The following TBCD variants were observed in gnomAD, a reference collection of about 807,000 sequenced individuals.
The protein encoded by TBCD is tubulin-specific chaperone D.
A neutral mutation model predicts 169.3 loss-of-function variants in TBCD; 105 were observed. The ratio of observed to expected loss-of-function variants is 0.62; its 90% confidence interval spans 0.53 to 0.73. The LOEUF is 0.73. TBCD is among the 30% of genes least tolerant of loss of function. TBCD has a pLI of 0.00. For missense variants in TBCD, 1,444 were observed against 1,600.1 expected (o/e 0.90, Z 1.66); for synonymous variants, 700 against 643.9 (o/e 1.09, Z -1.32).
At chr17:82,927,127 G>A (rs568117145) in intron 28 of TBCD, 59 bp from the exon 29 acceptor site, 203 of 1,606,500 alleles carry the variant, frequency 1.3e-4, no homozygotes, top group Admixed American at 3.5e-4. Flanking sequence ...AGCCCTCTGC[G>A]ATGTGGAAGA....
In TBCD at chr17:82,804,932, G is replaced by A. The variant is rs78762282; in HGVS notation, c.951-943G>A. Among the ~76,000 whole-genome samples the A allele has an allele frequency of 2.7e-3, 416 of 152,352 alleles. 13 individuals are homozygous for A. In the East Asian group the frequency reaches 0.072, roughly 27 times the overall value. Reference sequence around the variant, plus strand: ...AAGCAGGTTGATGGCATCAGCACCAGTGTGTGAGTTCTGGTTCTGCCGCCA... The same window carrying A: ...AAGCAGGTTGATGGCATCAGCACCAATGTGTGAGTTCTGGTTCTGCCGCCA... On this transcript the variant is annotated intron_variant, in intron 9 of 38. Transcript: ENST00000355528.
chr17:82,916,436 GGTTCCACCAT>G (rs1255756131), intron 23 of TBCD, among the ~76,000 whole-genome samples: 4 of 152,142 alleles, frequency 2.6e-5, no homozygotes, highest in Admixed American at 2.6e-4. Context: ...GTGGAGATGG[GGTTCCACCAT>G]GTGGGCCAGG....
intron 17 of TBCD, among the ~76,000 whole-genome samples, chr17:82,900,381 C>T (rs774306044): frequency 1.3e-5 from 2 of 152,080 alleles, no homozygotes; most frequent in Non-Finnish European, 2.9e-5. Flanking sequence ...TGTGGATCAA[C>T]CACGGTTTGT....
chr17:82,826,147 T>G (rs2052827162), intron 13 of TBCD, among the ~76,000 whole-genome samples: 1 of 152,226 alleles, frequency 6.6e-6, no homozygotes, highest in South Asian at 2.1e-4. Flanking sequence ...AACATAAACA[T>G]AAACTTCAAC....
chr17:82,867,596 G>A (rs777588503), intron 13 of TBCD, among the ~76,000 whole-genome samples: 7 of 152,200 alleles, frequency 4.6e-5, no homozygotes, highest in Admixed American at 1.3e-4. Context: ...TGGACTTTCC[G>A]GGGCAAACAA....
chr17:82,778,913 T>C (rs1023674965), intron 6 of TBCD, among the ~76,000 whole-genome samples: 2 of 152,150 alleles, frequency 1.3e-5, no homozygotes, highest in Non-Finnish European at 2.9e-5. Context: ...CCACCCGTCT[T>C]GACCTCCCAA....
At chr17:82,887,481 G>T (rs945056050) in intron 15 of TBCD, among the ~76,000 whole-genome samples, 3 of 152,142 alleles carry the variant, frequency 2.0e-5, no homozygotes, top group Non-Finnish European at 4.4e-5. Context: ...GGGTGGTGCT[G>T]GTTTGCTGCT....
rs35386796 is a variant in TBCD at position 82,762,315 on chromosome 17, CA to C, written c.236-1631del. ...TGGGTGATAGAGCGAGACTCCGTCT[CA>C]AAAAAAAAAAAAAAAAAAGTAATGC... On this transcript the variant is annotated intron_variant, in intron 2 of 38. Coordinates refer to ENST00000355528, the MANE Select transcript of TBCD (RefSeq NM_005993.5). 5.1e-4 allele frequency among the ~76,000 whole-genome samples: 47 copies of C among 91,442 alleles called. 1 individual carries two copies. The highest frequency in any genetic ancestry group is 1.7e-3 in the East Asian group (5 of 2,926). 60.0% of individuals were successfully genotyped at this position (91,442 alleles called of 152,430 possible).
chr17:82,917,318 T>C (rs1272084685), intron 23 of TBCD, among the ~76,000 whole-genome samples: 1 of 152,190 alleles, frequency 6.6e-6, no homozygotes, highest in Non-Finnish European at 1.5e-5. Context: ...TGATTTAAAT[T>C]TCATTGTCAC....
chr17:82,827,495 A>G (rs1392305404), intron 13 of TBCD, among the ~76,000 whole-genome samples: 6 of 152,226 alleles, frequency 3.9e-5, no homozygotes, highest in Non-Finnish European at 5.9e-5. Context: ...TGAGGACCCC[A>G]TGGATGGCCA....
intron 13 of TBCD, among the ~76,000 whole-genome samples, chr17:82,818,350 C>G (rs1218231627): frequency 6.6e-6 from 1 of 152,202 alleles, no homozygotes; most frequent in African/African-American, 2.4e-5. Context: ...TGAAAGAGAT[C>G]CCATCTTGGG....
intron 23 of TBCD, among the ~76,000 whole-genome samples, chr17:82,917,279 A>G (rs145759847): frequency 6.6e-6 from 1 of 152,148 alleles, no homozygotes; most frequent in East Asian, 1.9e-4. Flanking sequence ...TGGCCTCCCA[A>G]AGTGCTGGGA....
intron 14 of TBCD, 111 bp downstream of exon 14, chr17:82,870,491 A>G: frequency 7.3e-7 from 1 of 1,376,534 alleles, no homozygotes; most frequent in Non-Finnish European, 9.7e-7. Context: ...AGGTGAAATT[A>G]CTTGGCCAGA....
In TBCD at chr17:82,900,654, G is replaced by A; in HGVS notation, c.1653G>A (p.Val551=). 1 of 1,613,884 alleles carries A rather than the reference G, an allele frequency of 6.2e-7. No homozygotes were observed. The highest frequency in any genetic ancestry group is 8.5e-7 in the Non-Finnish European group (1 of 1,179,770). ...NRSNCFLVIS[V]FIAGFPEYTQ... Reference sequence around the variant, plus strand: ...CTCTCCATGCTGTCTTTTCCAGTGTGTTTATTGCCGGCTTTCCTGAGTACA... The same window carrying A: ...CTCTCCATGCTGTCTTTTCCAGTGTATTTATTGCCGGCTTTCCTGAGTACA... Residue 551 remains valine (V), a synonymous_variant, in exon 18 of 39, where the codon GTG becomes GTA. Coordinates refer to ENST00000355528, the MANE Select transcript of TBCD (RefSeq NM_005993.5).
chr17:82,926,714 G>C (rs2147254925), intron 28 of TBCD, among the ~76,000 whole-genome samples: 1 of 152,348 alleles, frequency 6.6e-6, no homozygotes, highest in East Asian at 1.9e-4. Context: ...TGGGCCCCTT[G>C]GAGAATTGGA....
Position 82,806,085 on chromosome 17 carries a change from CT to C in TBCD, c.1087+76del. ...AATTCCCCTCTACTCCAGGACCACA[CT>C]TCCTTCTTCCTTGCTGGTGCCGGCA... On this transcript the variant is annotated intron_variant, in intron 10 of 38. Transcript: ENST00000355528. This position sits in a 1 kb window ranked among gnomAD's most constrained non-coding sequence, Gnocchi z 5.1. 6.4e-7 allele frequency: 1 copy of C among 1,558,678 alleles called. No individual in the cohort carries two copies. The highest frequency in any genetic ancestry group is 2.3e-5 in the East Asian group (1 of 43,620).
At position 82,942,816 on chromosome 17, in the gene TBCD, G is replaced by C. The variant is rs1043235124; in HGVS notation, c.*353G>C. 67 of 388,654 alleles carry C rather than the reference G, an allele frequency of 1.7e-4. No individual in the cohort carries two copies. The highest frequency in any genetic ancestry group is 1.3e-3 in the African/African-American group (61 of 48,230). The allele number at this position is 388,654 out of a possible 1,614,324, so 24.1% of individuals were successfully genotyped here. On this transcript the variant is annotated 3_prime_UTR_variant, in exon 39 of 39. Coordinates refer to ENST00000355528, the MANE Select transcript of TBCD (RefSeq NM_005993.5). The stretch of plus-strand genomic sequence containing the variant: ...TGCACTCCTCCTGCCTGGAGACCAG[G>C]CCCCCTTCTTGCCTGGTGCTGTCCC...
chr17:82,878,807 A>G (rs1303907940), intron 14 of TBCD, among the ~76,000 whole-genome samples: 2 of 151,808 alleles, frequency 1.3e-5, no homozygotes, highest in African/African-American at 4.8e-5. Flanking sequence ...CTGTGTCCCC[A>G]CCCCGACGTT....
chr17:82,890,506 C>T lies in TBCD; in HGVS notation c.1563+809C>T, dbSNP rs898426394. On this transcript the variant is annotated intron_variant, in intron 16 of 38. Coordinates refer to ENST00000355528, the MANE Select transcript of TBCD (RefSeq NM_005993.5). The surrounding 1 kb of genome is among the most constrained non-coding windows in gnomAD (Gnocchi z 5.3). The stretch of plus-strand genomic sequence containing the variant: ...GGAGCCCTCCAGGCAAGGTGTCTGA[C>T]CTGGAGTGGAAGCATTGAGGCCAAA... Among the ~76,000 whole-genome samples the T allele has an allele frequency of 6.6e-6, 1 of 152,138 alleles. No individual in the cohort carries two copies. The highest frequency in any genetic ancestry group is 6.5e-5 in the Admixed American group (1 of 15,282).
Sources: allele counts gnomAD v4.1 joint callset (sites outside exome capture counted in the v4.1 genomes callset), GRCh38; gene constraint gnomAD v4.1.1; non-coding constraint Gnocchi (gnomAD v3.1); transcripts MANE v1.5; gene names NCBI Gene and HGNC (gene_info 2026-07-23, HGNC 2026-07-21).